Variants in KCNIP4 observed in about 807,000 individuals in gnomAD.
The protein encoded by KCNIP4 is Kv channel-interacting protein 4.
In KCNIP4, 12 loss-of-function variants were observed where a neutral mutation model predicts 34.0. The ratio of observed to expected loss-of-function variants is 0.35; its 90% CI spans 0.23 to 0.57. The LOEUF is 0.57. Among genes scored for constraint, KCNIP4 ranks in the 20% least tolerant of loss-of-function variants. The pLI is 0.83. For synonymous variants in KCNIP4, 124 were observed against 102.2 expected (o/e 1.21, Z -1.29); for missense variants, 238 against 311.7 (o/e 0.76, Z 1.78).
chr4:21,090,802 A>T (rs56139613), intron 1 of KCNIP4, among the ~76,000 whole-genome samples: 25,597 of 152,172 alleles, frequency 0.17, 2,239 homozygotes, highest in East Asian at 0.24. Flanking sequence ...GGTTAGAAAT[A>T]TACACATATT....
At chr4:20,957,324 A>G (rs1342375499) in intron 1 of KCNIP4, among the ~76,000 whole-genome samples, 1 of 152,182 alleles carries the variant, frequency 6.6e-6, no homozygotes, top group African/African-American at 2.4e-5. Context: ...GAATTGTTAC[A>G]ATTAGCAATG....
intron 1 of KCNIP4, among the ~76,000 whole-genome samples, chr4:21,346,651 T>C (rs1010534881): frequency 6.6e-6 from 1 of 152,110 alleles, no homozygotes; most frequent in African/African-American, 2.4e-5. Context: ...CATTCTTTAG[T>C]ACATTGCTTC....
intron 2 of KCNIP4, among the ~76,000 whole-genome samples, chr4:20,877,827 A>G (rs532002183): frequency 6.6e-6 from 1 of 152,214 alleles, no homozygotes; most frequent in South Asian, 2.1e-4. Flanking sequence ...TTTTGGGTAT[A>G]AGTTTTTGTT....
chr4:21,524,703 A>C (rs759800273), intron 1 of KCNIP4, among the ~76,000 whole-genome samples: 5 of 151,446 alleles, frequency 3.3e-5, no homozygotes, highest in Non-Finnish European at 7.4e-5. Context: ...TCTTCCTATC[A>C]CTTATTTTTT....
At chr4:21,517,014 G>C (rs576625813) in intron 1 of KCNIP4, among the ~76,000 whole-genome samples, 1 of 152,228 alleles carries the variant, frequency 6.6e-6, no homozygotes, top group East Asian at 1.9e-4. Flanking sequence ...GCATGCCTGG[G>C]AAAAATGGGT....
intron 1 of KCNIP4, among the ~76,000 whole-genome samples, chr4:21,242,438 T>G (rs941233435): frequency 3.9e-5 from 6 of 152,186 alleles, no homozygotes; most frequent in African/African-American, 1.4e-4. Context: ...TGGTTAGTTT[T>G]CTGTGTCAAC....
At chr4:21,622,408 G>T (rs1105376) in intron 1 of KCNIP4, among the ~76,000 whole-genome samples, 1 of 151,842 alleles carries the variant, frequency 6.6e-6, no homozygotes, top group African/African-American at 2.4e-5. Context: ...AATTAAAAAA[G>T]AAATTTATTA....
chr4:21,428,364 T>C (rs1726113233), intron 1 of KCNIP4, among the ~76,000 whole-genome samples: 2 of 152,180 alleles, frequency 1.3e-5, no homozygotes, highest in Non-Finnish European at 2.9e-5. Flanking sequence ...AGGACACTGA[T>C]AGAGTTCCAC....
chr4:20,756,524 T>C (rs1049473459), intron 4 of KCNIP4, among the ~76,000 whole-genome samples: 5 of 152,190 alleles, frequency 3.3e-5, no homozygotes, highest in Non-Finnish European at 5.9e-5. Context: ...CCCAGCACTA[T>C]GATCAGTTTC....
intron 1 of KCNIP4, among the ~76,000 whole-genome samples, chr4:21,273,832 C>T (rs999725425): frequency 1.3e-5 from 2 of 152,134 alleles, no homozygotes; most frequent in Admixed American, 6.6e-5. Context: ...TATTATTGCA[C>T]TTTCCACACT....
At chr4:21,401,429 C>A (rs1348884338) in intron 1 of KCNIP4, among the ~76,000 whole-genome samples, 1 of 152,212 alleles carries the variant, frequency 6.6e-6, no homozygotes, top group Non-Finnish European at 1.5e-5. Flanking sequence ...GCTCCCCAAA[C>A]ACTTCCATTT....
At position 21,589,176 on chromosome 4, in the gene KCNIP4, ATATATATATATATATATATATATATG is replaced by A. The variant is rs1223897294; in HGVS notation, c.61+359369_61+359394del. Among the ~76,000 whole-genome samples the A allele has an allele frequency of 1.6e-3, 100 of 62,436 alleles. 2 individuals carry two copies. Among genetic ancestry groups the A allele is most frequent in the Non-Finnish European group, 2.3e-3 (78 of 33,258 alleles). 41.0% of individuals were successfully genotyped at this position (62,436 alleles called of 152,430 possible). A position where few individuals can be genotyped will look rare whatever the true frequency, so the allele number is the denominator to read the frequency against. ...GGTGTGTATATATATATATATATATATATATATATATATATATATATATATGTGTACATATATAAGTACACATGTAT... is the reference window on the plus strand; with the variant it reads ...GGTGTGTATATATATATATATATATATGTACATATATAAGTACACATGTAT... On this transcript the variant is annotated intron_variant, in intron 1 of 8. Coordinates refer to ENST00000382152, the MANE Select transcript of KCNIP4 (RefSeq NM_025221.6).
chr4:21,723,024 C>T (rs1714932898), intron 1 of KCNIP4, among the ~76,000 whole-genome samples: 1 of 151,728 alleles, frequency 6.6e-6, no homozygotes, highest in East Asian at 1.9e-4. Flanking sequence ...CACTGTCTAT[C>T]TACCTAGACA....
intron 1 of KCNIP4, among the ~76,000 whole-genome samples, chr4:21,552,034 T>C (rs1738624837): frequency 8.9e-6 from 1 of 112,260 alleles, no homozygotes. Context: ...GGGAGAGCTT[T>C]TTTTAAAAAA....
chr4:21,117,850 T>C (rs1027414251), intron 1 of KCNIP4, among the ~76,000 whole-genome samples: 4 of 152,112 alleles, frequency 2.6e-5, no homozygotes, highest in Admixed American at 2.0e-4. Flanking sequence ...GAGTAGGCAA[T>C]GGGAGCTTCA....
At chr4:21,380,476 G>GA (rs1721399626) in intron 1 of KCNIP4, among the ~76,000 whole-genome samples, 1 of 145,100 alleles carries the variant, frequency 6.9e-6, no homozygotes, top group Non-Finnish European at 1.5e-5. Context: ...AGAGAGAGAG[G>GA]GAGAGAGAGA....
At chr4:21,432,685 G>A (rs1726598129) in intron 1 of KCNIP4, among the ~76,000 whole-genome samples, 1 of 152,104 alleles carries the variant, frequency 6.6e-6, no homozygotes, top group Non-Finnish European at 1.5e-5. Flanking sequence ...AATTCCTGGA[G>A]GAAAAATTTA....
chr4:20,918,923 G>A (rs189815301), intron 1 of KCNIP4, among the ~76,000 whole-genome samples: 78 of 152,324 alleles, frequency 5.1e-4, no homozygotes, highest in African/African-American at 1.7e-3. Flanking sequence ...GGGCACAGGT[G>A]TTGCAGACTA....
intron 1 of KCNIP4, among the ~76,000 whole-genome samples, chr4:21,893,379 T>C (rs917006261): frequency 1.3e-5 from 2 of 152,188 alleles, no homozygotes; most frequent in Non-Finnish European, 2.9e-5. Context: ...TCTTCTGACA[T>C]CCTTTTCATG....
Sources: allele counts gnomAD v4.1 joint callset (sites outside exome capture counted in the v4.1 genomes callset), GRCh38; gene constraint gnomAD v4.1.1; transcripts MANE v1.5; gene names NCBI Gene and HGNC (gene_info 2026-07-23, HGNC 2026-07-21).